Variants in CELF4 observed in about 807,000 individuals in gnomAD.
CELF4 encodes the protein CUG-BP- and ETR-3-like factor 4.
Under a neutral mutation model 59.9 loss-of-function variants are expected in CELF4, and 18 were observed. The ratio of observed to expected loss-of-function variants is 0.30; its 90% CI spans 0.21 to 0.45. The LOEUF is 0.45. Ranked by LOEUF, CELF4 falls within the 20% of genes least tolerant of loss-of-function variation. The pLI, the probability that CELF4 is intolerant of heterozygous loss-of-function variation, is 1.00. For synonymous variants in CELF4, 261 were observed against 267.1 expected (o/e 0.98, Z 0.22); for missense variants, 456 against 689.0 (o/e 0.66, Z 3.79).
At chr18:37,322,275 C>T (rs535786117) in intron 2 of CELF4, among the ~76,000 whole-genome samples, 3 of 152,354 alleles carry the variant, frequency 2.0e-5, no homozygotes, top group African/African-American at 7.2e-5. Context: ...CAAACATCTG[C>T]CTTTATGGAA....
At chr18:37,353,517 T>C (rs1230343538) in intron 2 of CELF4, among the ~76,000 whole-genome samples, 1 of 150,652 alleles carries the variant, frequency 6.6e-6, no homozygotes, top group African/African-American at 2.4e-5. Flanking sequence ...CTGGCAGCAA[T>C]AGGGCATGGG....
intron 1 of CELF4, among the ~76,000 whole-genome samples, chr18:37,494,642 G>A (rs887756735): frequency 2.6e-5 from 4 of 152,124 alleles, no homozygotes; most frequent in South Asian, 2.1e-4. Context: ...GCGTATCGTC[G>A]GCATCTGACA....
chr18:37,248,677 G>T (rs1422996862), intron 12 of CELF4, among the ~76,000 whole-genome samples: 2 of 152,184 alleles, frequency 1.3e-5, no homozygotes, highest in Admixed American at 6.5e-5. Context: ...AGTTGAGAAT[G>T]AGTTCTCTTC....
chr18:37,281,631 G>GA (rs1480039264), intron 3 of CELF4, among the ~76,000 whole-genome samples: 1 of 152,184 alleles, frequency 6.6e-6, no homozygotes, highest in African/African-American at 2.4e-5. Context: ...GGGGTGCAGA[G>GA]AAAATGCCAG....
intron 8 of CELF4, among the ~76,000 whole-genome samples, chr18:37,268,808 G>A (rs761892873): frequency 3.3e-5 from 5 of 152,176 alleles, no homozygotes; most frequent in South Asian, 2.1e-4. Flanking sequence ...GAAGGATCTC[G>A]CTCATTACAG....
intron 2 of CELF4, among the ~76,000 whole-genome samples, chr18:37,335,512 TGG>T (rs201124070): frequency 9.3e-5 from 14 of 150,600 alleles, no homozygotes; most frequent in African/African-American, 3.2e-4. Context: ...TGTGTGTGTG[TGG>T]AGGTGTGGGG....
intron 2 of CELF4, among the ~76,000 whole-genome samples, chr18:37,442,415 T>G (rs935185472): frequency 6.6e-6 from 1 of 152,184 alleles, no homozygotes; most frequent in African/African-American, 2.4e-5. Context: ...AAAAAAAATT[T>G]TTTTCCCTTT....
chr18:37,538,003 C>T (rs1233191612), intron 1 of CELF4, among the ~76,000 whole-genome samples: 1 of 152,230 alleles, frequency 6.6e-6, no homozygotes, highest in African/African-American at 2.4e-5. Flanking sequence ...GCGCTGAATC[C>T]AGCTCTGGAG....
chr18:37,386,130 T>G (rs1004623408), intron 2 of CELF4, among the ~76,000 whole-genome samples: 2 of 152,266 alleles, frequency 1.3e-5, no homozygotes, highest in African/African-American at 4.8e-5. Context: ...TTCTGCCACC[T>G]TAATTTGCCT....
chr18:37,504,359 A>C (rs988315028), intron 1 of CELF4, among the ~76,000 whole-genome samples: 1 of 151,350 alleles, frequency 6.6e-6, no homozygotes, highest in Non-Finnish European at 1.5e-5. Flanking sequence ...GCATGGTGGT[A>C]CGTGCCTGTA....
intron 2 of CELF4, among the ~76,000 whole-genome samples, chr18:37,480,970 C>T (rs1027137501): frequency 3.3e-5 from 5 of 152,128 alleles, no homozygotes; most frequent in African/African-American, 1.2e-4. Flanking sequence ...CATTTGAGCT[C>T]TCTGAAAAGA....
At chr18:37,501,430 C>A (rs996567400) in intron 1 of CELF4, among the ~76,000 whole-genome samples, 1 of 152,212 alleles carries the variant, frequency 6.6e-6, no homozygotes, top group East Asian at 1.9e-4. Flanking sequence ...CTGGGGCCTG[C>A]GGGTCTCCAT....
At chr18:37,417,760 C>T (rs1308287413) in intron 2 of CELF4, among the ~76,000 whole-genome samples, 2 of 152,208 alleles carry the variant, frequency 1.3e-5, no homozygotes, top group Non-Finnish European at 1.5e-5. Flanking sequence ...TTGGCCAGAT[C>T]CTGACCATGT....
At chr18:37,563,904 C>A (rs1392289672) in intron 1 of CELF4, among the ~76,000 whole-genome samples, 1 of 152,134 alleles carries the variant, frequency 6.6e-6, no homozygotes, top group Admixed American at 6.5e-5. Flanking sequence ...AGTATTCGAA[C>A]GAAGGGAGGG....
intron 2 of CELF4, among the ~76,000 whole-genome samples, chr18:37,368,724 C>T (rs2098820234): frequency 1.3e-5 from 2 of 152,240 alleles, no homozygotes; most frequent in Admixed American, 1.3e-4. Context: ...CAGCATCCTC[C>T]TCCCCTTCCA....
At chr18:37,466,407 G>A (rs1172890207) in intron 2 of CELF4, among the ~76,000 whole-genome samples, 1 of 141,770 alleles carries the variant, frequency 7.1e-6, no homozygotes, top group African/African-American at 2.6e-5. Context: ...TGGGAGCTTC[G>A]ATCTTCATGG....
At chr18:37,456,169 TC>T (rs1279002079) in intron 2 of CELF4, among the ~76,000 whole-genome samples, 2 of 152,134 alleles carry the variant, frequency 1.3e-5, no homozygotes, top group Non-Finnish European at 2.9e-5. Context: ...TTTCTCCCCA[TC>T]AAGTTATCCC....
At chr18:37,525,801 G>A (rs571021731) in intron 1 of CELF4, among the ~76,000 whole-genome samples, 7 of 152,154 alleles carry the variant, frequency 4.6e-5, no homozygotes, top group Admixed American at 3.9e-4. Context: ...TTACAAAATC[G>A]AAAATAATTA....
intron 2 of CELF4, among the ~76,000 whole-genome samples, chr18:37,377,546 TC>T (rs756014355): frequency 6.6e-6 from 1 of 152,124 alleles, no homozygotes; most frequent in Non-Finnish European, 1.5e-5. Flanking sequence ...GAGGGGTCGT[TC>T]CTGAGGCTTA....
Sources: allele counts gnomAD v4.1 joint callset (sites outside exome capture counted in the v4.1 genomes callset), GRCh38; gene constraint gnomAD v4.1.1; transcripts MANE v1.5; gene names NCBI Gene and HGNC (gene_info 2026-07-23, HGNC 2026-07-21).